GPR101: variants seen among roughly 807,000 people sequenced by gnomAD.
GPR101 encodes the protein probable G protein-coupled receptor 101.
In GPR101, 8 loss-of-function variants were observed where a neutral mutation model predicts 16.4. The observed-to-expected ratio is 0.49, with a 90% CI of 0.29 to 0.88. GPR101 has a LOEUF of 0.88. GPR101 is among the 40% of genes least tolerant of loss of function. The pLI is 0.09. For synonymous variants in GPR101, 155 were observed against 168.7 expected, an observed-to-expected ratio of 0.92 and a Z score of 0.63; for missense variants, 375 against 411.7, an observed-to-expected ratio of 0.91 and a Z score of 0.77.
rs1206711769 is a variant in GPR101 at position 137,033,890 on chromosome X, G to A, written c.-181C>T. Among the ~76,000 whole-genome samples, 2 of 112,002 alleles carry A rather than the reference G, an allele frequency of 1.8e-5. No individual in the cohort carries two copies. Among genetic ancestry groups the A allele is most frequent in the Non-Finnish European group, 3.8e-5 (2 of 52,858 alleles). ...TCGTCCCGGCCGCCTCTCGGGGCTC[G>A]GGCGGCTGCGAGCTGGCACGGGGCA... On this transcript the variant is annotated 5_prime_UTR_variant, in exon 1 of 2. Transcript: ENST00000651716.
chrX:137,026,398 T>C lies in GPR101; in HGVS notation c.*3750A>G, dbSNP rs181014925. Among the ~76,000 whole-genome samples, 52 of 111,781 alleles carry C rather than the reference T, an allele frequency of 4.7e-4. No homozygotes were observed. Among genetic ancestry groups the C allele is most frequent in the African/African-American group, 1.7e-3 (51 of 30,755 alleles). On this transcript the variant is annotated 3_prime_UTR_variant, in exon 2 of 2. Transcript: ENST00000651716. The stretch of plus-strand genomic sequence containing the variant: ...AGTCCAAATTACCAGATGATGCGTA[T>C]TTTTTTTCTTCCAAATGATGTGTTT...
chrX:137,028,828 A>T lies in GPR101; in HGVS notation c.*1320T>A, dbSNP rs1313067359. On this transcript the variant is annotated 3_prime_UTR_variant, in exon 2 of 2. Transcript: ENST00000651716. ...TTTTCCCAACGTGATTTATTTCAACAGCATTAATTAGGATATGTCTGATCT... is the reference window on the plus strand; with the variant it reads ...TTTTCCCAACGTGATTTATTTCAACTGCATTAATTAGGATATGTCTGATCT... 8.9e-6 allele frequency among the ~76,000 whole-genome samples: 1 copy of T among 112,873 alleles called. No homozygotes were observed. Among genetic ancestry groups the T allele is most frequent in the Non-Finnish European group, 1.9e-5 (1 of 53,348 alleles).
chrX:137,033,673 C>T (rs933443582), intron 1 of GPR101, among the ~76,000 whole-genome samples, 129 bp downstream of exon 1: 11 of 112,346 alleles, frequency 9.8e-5, no homozygotes, highest in South Asian at 3.6e-4. Context: ...GGGGCCGCAC[C>T]GCGGGCCACC....
chrX:137,030,233 T>C lies in GPR101; in HGVS notation c.1442A>G (p.Glu481Gly), dbSNP rs769237932. The C allele has an allele frequency of 1.4e-5, 17 of 1,211,116 alleles. No individual in the cohort carries two copies. Among genetic ancestry groups the C allele is most frequent in the African/African-American group, 1.7e-5 (1 of 57,770 alleles). The change falls in exon 2 of 2, where the codon GAA (glutamate) becomes GGA (glycine). Residue 481 changes from glutamate (E) to glycine (G), a missense_variant. Glu to Gly is a moderately conservative substitution (Grantham distance 98). Transcript: ENST00000651716. ...TCCGGGCAGGTCTGGGTGGCTATCT[T>C]CTTTCGGGGGCTTTTCCTTGCAGAA... The part of the protein sequence containing the change: ...KFFCKEKPPK[E>G]DSHPDLPGTE...
In GPR101 at chrX:137,031,363, G is replaced by A. The variant is rs778075829; in HGVS notation, c.312C>T (p.Cys104=). 7 of 1,196,259 alleles carry A rather than the reference G, an allele frequency of 5.9e-6. No homozygotes were observed. In the Admixed American group the frequency reaches 1.5e-4, roughly 26 times the overall value. Reference sequence around the variant, plus strand: ...GGTGGGTGAGGCTAACCAGGGCCGTGCAGAAGTGGCTGTTGAGGGGCCAGA... The same window carrying A: ...GGTGGGTGAGGCTAACCAGGGCCGTACAGAAGTGGCTGTTGAGGGGCCAGA... ...PLFWPLNSHF[C]TALVSLTHLF... Residue 104 remains cysteine, a synonymous_variant, in exon 2 of 2, where the codon TGC becomes TGT. Coordinates refer to ENST00000651716, the MANE Select transcript of GPR101 (RefSeq NM_054021.2).
In GPR101 at chrX:137,031,702, T is replaced by G. The variant is rs199798566; in HGVS notation, c.-28A>C. On this transcript the variant is annotated 5_prime_UTR_variant, in exon 2 of 2. Coordinates refer to ENST00000651716, the MANE Select transcript of GPR101 (RefSeq NM_054021.2). ...CAACAGCCAGAGGGCGTGAGACAGG[T>G]TGCAGGCTCAGTGCCGGCACCGGTG... 4.6e-4 allele frequency: 530 copies of G among 1,144,609 alleles called. 1 individual carries two copies. In the African/African-American group the frequency reaches 8.5e-3, roughly 18 times the overall value. 94.3% of individuals were successfully genotyped at this position (1,144,609 alleles called of 1,213,427 possible). A position where few individuals can be genotyped will look rare whatever the true frequency, so the allele number is the denominator to read the frequency against.
rs1436731746 is a variant in GPR101, at chrX:137,026,850, C to T, written c.*3298G>A. Among the ~76,000 whole-genome samples, 1 of 111,041 alleles carries T rather than the reference C, an allele frequency of 9.0e-6. No individual in the cohort carries two copies. The highest frequency in any genetic ancestry group is 1.9e-5 in the Non-Finnish European group (1 of 53,056). ...TCCTATGGCTCACTTCTCTCCTTCC[C>T]TGCTTCCATAGGCCCCCAGGTCCCT... On this transcript the variant is annotated 3_prime_UTR_variant, in exon 2 of 2. Transcript: ENST00000651716.
Position 137,030,548 on chromosome X carries a change from A to C in GPR101, c.1127T>G (p.Leu376Arg). 8.3e-7 allele frequency: 1 copy of C among 1,210,239 alleles called. No homozygotes were observed. Among genetic ancestry groups the C allele is most frequent in the Middle Eastern group, 2.3e-4 (1 of 4,349 alleles). Reference sequence around the variant, plus strand: ...GTTGCTGTTACGACGACTGGGTGGGAGGCTCTCCGGGATGTTCACTGCCTC... The same window carrying C: ...GTTGCTGTTACGACGACTGGGTGGGCGGCTCTCCGGGATGTTCACTGCCTC... ...DVEAVNIPES[L>R]PPSRRNSNSN... is the part of the protein sequence containing the mutation. Residue 376 changes from leucine to arginine, a missense_variant, in exon 2 of 2, where the codon CTC (leucine) becomes CGC (arginine). Coordinates refer to ENST00000651716, the MANE Select transcript of GPR101 (RefSeq NM_054021.2).
In GPR101 at chrX:137,028,130, T is replaced by C. The variant is rs891200348; in HGVS notation, c.*2018A>G. Among the ~76,000 whole-genome samples the C allele has an allele frequency of 8.9e-6, 1 of 112,273 alleles. No homozygotes were observed. Among genetic ancestry groups the C allele is most frequent in the Non-Finnish European group, 1.9e-5 (1 of 53,234 alleles). On this transcript the variant is annotated 3_prime_UTR_variant, in exon 2 of 2. Transcript: ENST00000651716. ...TGTTAATTCACTTTATGCATTTTGG[T>C]AGAAAAATAAATGATAGTGTAAGGG...
At chrX:137,032,452 G>C (rs1029536307) in intron 1 of GPR101, among the ~76,000 whole-genome samples, 1 of 110,785 alleles carries the variant, frequency 9.0e-6, no homozygotes, top group Non-Finnish European at 1.9e-5. Context: ...GTCTCTGCCT[G>C]TCACTGTGTC....
rs1228393206 is a variant in GPR101, at chrX:137,030,760, C to T, written c.915G>A (p.Glu305=). The T allele has an allele frequency of 4.1e-6, 5 of 1,209,133 alleles. No individual in the cohort carries two copies. In the African/African-American group the frequency reaches 5.3e-5, roughly 13 times the overall value. Residue 305 remains glutamate (E), a synonymous_variant, in exon 2 of 2, where the codon GAG becomes GAA. Coordinates refer to ENST00000651716, the MANE Select transcript of GPR101 (RefSeq NM_054021.2). ...ESSVEARGSE[E]VRESSTVASD... ...TGGCCACCGTGCTGCTCTCTCTGAC[C>T]TCCTCGCTGCCCCTGGCCTCTACAC...
chrX:137,031,575 G>C lies in GPR101; in HGVS notation c.100C>G (p.Arg34Gly), dbSNP rs1286618570. 1 of 1,209,932 alleles carries C rather than the reference G, an allele frequency of 8.3e-7. No homozygotes were observed. The highest frequency in any genetic ancestry group is 1.7e-5 in the African/African-American group (1 of 57,358). ...AGGAAGATAACCAGCACGGTTGAGC[G>C]GATGATGCCGTGGGCCAGGCTGATG... The part of the protein sequence containing the change: ...MPISLAHGII[R>G]STVLVIFLAA... Residue 34 changes from arginine to glycine, a missense_variant, in exon 2 of 2, where the codon CGC becomes GGC. By Grantham distance (125) the Arg-to-Gly change is moderately radical. Transcript: ENST00000651716.
In GPR101 at chrX:137,031,231, A is replaced by G; in HGVS notation, c.444T>C (p.Gly148=). 8.3e-7 allele frequency: 1 copy of G among 1,211,809 alleles called. No individual in the cohort carries two copies. The highest frequency in any genetic ancestry group is 1.1e-6 in the Non-Finnish European group (1 of 895,490). Residue 148 remains glycine (G), a synonymous_variant, in exon 2 of 2, where the codon GGT becomes GGC. Coordinates refer to ENST00000651716, the MANE Select transcript of GPR101 (RefSeq NM_054021.2). ...SYPSKMTQRR[G]YLLLYGTWIV... The stretch of plus-strand genomic sequence containing the variant: ...TCCAGGTGCCATAGAGGAGCAGGTA[A>G]CCGCGGCGCTGGGTCATCTTGGACG...
chrX:137,032,645 G>A (rs1602600003), intron 1 of GPR101, among the ~76,000 whole-genome samples: 1 of 110,134 alleles, frequency 9.1e-6, no homozygotes, highest in East Asian at 2.9e-4. Flanking sequence ...GTCTCCCTCG[G>A]GTTCTCTGGG....
In GPR101 at chrX:137,024,486, C is replaced by G. The variant is rs916759212; in HGVS notation, c.*5662G>C. 8.9e-6 allele frequency among the ~76,000 whole-genome samples: 1 copy of G among 112,224 alleles called. No homozygotes were observed. Among genetic ancestry groups the G allele is most frequent in the Non-Finnish European group, 1.9e-5 (1 of 53,293 alleles). ...TTTTCTGTTTTCAGTTTCAAAGCAG[C>G]TCACAAAATTTGGTATTAAAGGCAG... On this transcript the variant is annotated 3_prime_UTR_variant, in exon 2 of 2. Transcript: ENST00000651716.
chrX:137,030,415 G>T lies in GPR101; in HGVS notation c.1260C>A (p.Val420=). The T allele has an allele frequency of 8.3e-7, 1 of 1,211,333 alleles. No homozygotes were observed. The highest frequency in any genetic ancestry group is 1.1e-6 in the Non-Finnish European group (1 of 895,286). The part of the protein sequence containing the change: ...LSLGPYCFLA[V]LAVWVDVETQ... ...TTTCGACATCCACCCACACGGCCAG[G>T]ACTGCTAAAAAGCAGTAGGGCCCCA... Residue 420 remains valine (V), a synonymous_variant, in exon 2 of 2, where the codon GTC becomes GTA. Coordinates refer to ENST00000651716, the MANE Select transcript of GPR101 (RefSeq NM_054021.2).
rs963611898 is a variant in GPR101 at position 137,024,442 on chromosome X, A to G, written c.*5706T>C. ...AAACGTTAAAATATTAAAGAGAACT[A>G]TTTATTGATTAAATACATTTTTCTG... On this transcript the variant is annotated 3_prime_UTR_variant, in exon 2 of 2. Coordinates refer to ENST00000651716, the MANE Select transcript of GPR101 (RefSeq NM_054021.2). Among the ~76,000 whole-genome samples the G allele has an allele frequency of 4.4e-5, 5 of 112,490 alleles. No homozygotes were observed. Among genetic ancestry groups the G allele is most frequent in the Admixed American group, 9.4e-5 (1 of 10,616 alleles).
Position 137,024,142 on chromosome X carries a change from T to C in GPR101, c.*6006A>G, listed in dbSNP as rs112883713. On this transcript the variant is annotated 3_prime_UTR_variant, in exon 2 of 2. Coordinates refer to ENST00000651716, the MANE Select transcript of GPR101 (RefSeq NM_054021.2). ...GTAACCATTTTAGAAAGGATCCAAT[T>C]AAAGCCAACCAATATGTGAAACCTT... Among the ~76,000 whole-genome samples the C allele has an allele frequency of 8.9e-6, 1 of 112,668 alleles. No individual in the cohort carries two copies. Among genetic ancestry groups the C allele is most frequent in the Non-Finnish European group, 1.9e-5 (1 of 53,369 alleles).
rs1448730731 is a variant in GPR101, at chrX:137,028,651, G to GT, written c.*1496dup. On this transcript the variant is annotated 3_prime_UTR_variant, in exon 2 of 2. Coordinates refer to ENST00000651716, the MANE Select transcript of GPR101 (RefSeq NM_054021.2). ...GAGGATCAAAAACACTGGCTTGACT[G>GT]TTTTTTTGGTTCCATGTTACTTGGT... Among the ~76,000 whole-genome samples the GT allele has an allele frequency of 8.9e-6, 1 of 112,002 alleles. No homozygotes were observed. The highest frequency in any genetic ancestry group is 1.9e-5 in the Non-Finnish European group (1 of 53,153).
Sources: gnomAD v4.1 joint callset for allele counts (sites outside exome capture counted in the v4.1 genomes callset) on GRCh38, gnomAD v4.1.1 for gene constraint, MANE v1.5 for transcripts, NCBI Gene and HGNC (gene_info 2026-07-23, HGNC 2026-07-21) for gene names.